Variants in SLMAP observed in about 807,000 individuals in gnomAD.
The protein encoded by SLMAP is sarcolemmal membrane-associated protein.
Under a neutral mutation model 128.8 loss-of-function variants are expected in SLMAP, and 44 were observed. The ratio of observed to expected loss-of-function variants is 0.34; its 90% CI spans 0.27 to 0.44. The LOEUF is 0.44. Among genes scored for constraint, SLMAP ranks in the 20% least tolerant of loss-of-function variants. SLMAP has a pLI of 1.00. For synonymous variants in SLMAP, 327 were observed against 348.8 expected, an observed-to-expected ratio of 0.94 and a Z score of 0.70; for missense variants, 787 against 985.3, an observed-to-expected ratio of 0.80 and a Z score of 2.69.
At chr3:57,807,996 T>C in intron 2 of SLMAP, among the ~76,000 whole-genome samples, 1 of 152,174 alleles carries the variant, frequency 6.6e-6, no homozygotes, top group South Asian at 2.1e-4. Context: ...GGTTTAGTCT[T>C]GGGAGGGTGT....
intron 18 of SLMAP, among the ~76,000 whole-genome samples, chr3:57,908,813 T>A (rs988288216): frequency 6.6e-6 from 1 of 152,232 alleles, no homozygotes; most frequent in Admixed American, 6.5e-5. Context: ...CTGTTTCTCA[T>A]GTTAAGAAAA....
intron 19 of SLMAP, 60 bp from the exon 20 acceptor site, chr3:57,912,321 C>A: frequency 6.9e-7 from 1 of 1,451,416 alleles, no homozygotes; most frequent in Non-Finnish European, 9.6e-7. Context: ...TAGCTACAAT[C>A]CTGTATGGAT....
At chr3:57,771,919 A>G (rs908599605) in intron 2 of SLMAP, among the ~76,000 whole-genome samples, 1 of 152,238 alleles carries the variant, frequency 6.6e-6, no homozygotes, top group Non-Finnish European at 1.5e-5. Flanking sequence ...CCTTACTTGA[A>G]GATTTGAAAT....
chr3:57,913,231 T>G lies in SLMAP; in HGVS notation c.2094T>G (p.Val698=). The change falls in exon 21 of 25, where the codon GTT becomes GTG. Residue 698 remains valine (V), a synonymous_variant. Transcript: ENST00000671191. ...GCCATTCTCTAAAAAGGGAAAATGT[T>G]TTGCTATCATCAGAACTGCAACGGC... ...TECHSLKREN[V]LLSSELQRQE... is the part of the protein sequence containing the mutation. The G allele has an allele frequency of 6.3e-7, 1 of 1,598,264 alleles. No homozygotes were observed. Among genetic ancestry groups the G allele is most frequent in the South Asian group, 1.1e-5 (1 of 89,032 alleles).
At chr3:57,897,260 T>C (rs1314554520) in intron 17 of SLMAP, 2 of 485,048 alleles carry the variant, frequency 4.1e-6, no homozygotes, top group Non-Finnish European at 6.3e-6. Context: ...GGTGAAAATC[T>C]TAACTTTCTT....
intron 13 of SLMAP, among the ~76,000 whole-genome samples, chr3:57,869,344 C>G (rs1479592367): frequency 6.6e-6 from 1 of 151,180 alleles, no homozygotes; most frequent in Admixed American, 6.6e-5. Context: ...TCCCAGCCTA[C>G]TGACTCAAAT....
intron 19 of SLMAP, among the ~76,000 whole-genome samples, chr3:57,911,319 A>G (rs1182328262): frequency 6.6e-6 from 1 of 152,184 alleles, no homozygotes; most frequent in Non-Finnish European, 1.5e-5. Flanking sequence ...AAAGTCTAAT[A>G]TCTTAATGTT....
At chr3:57,794,330 T>TA (rs2086209933) in intron 2 of SLMAP, among the ~76,000 whole-genome samples, 1 of 152,218 alleles carries the variant, frequency 6.6e-6, no homozygotes, top group Non-Finnish European at 1.5e-5. Context: ...TTTGTCTTTA[T>TA]CCTTTGGCTT....
chr3:57,882,309 C>G (rs140996189), intron 14 of SLMAP, among the ~76,000 whole-genome samples: 41 of 151,984 alleles, frequency 2.7e-4, no homozygotes, highest in South Asian at 8.3e-4. Flanking sequence ...AATAATAAAC[C>G]AAAAAATTAA....
intron 2 of SLMAP, among the ~76,000 whole-genome samples, chr3:57,779,562 C>T (rs910199852): frequency 2.0e-5 from 3 of 149,992 alleles, no homozygotes; most frequent in African/African-American, 7.4e-5. Context: ...ACCATACGTA[C>T]TGATATATCT....
chr3:57,862,076 ATAAAT>A lies in SLMAP; in HGVS notation c.961_965del (p.Leu321GlyfsTer16). On this transcript the variant is annotated frameshift_variant, in exon 10 of 25. Transcript: ENST00000671191. LOFTEE classifies it high-confidence loss of function. ...GTTAATGAGATTAAAGATTTATCTG[ATAAAT>A]TAAAGGTATGTATTTACTCTGCCTG... 6.3e-7 allele frequency: 1 copy of A among 1,579,752 alleles called. No individual in the cohort carries two copies.
chr3:57,922,208 A>G (rs1464881052), intron 22 of SLMAP, among the ~76,000 whole-genome samples: 1 of 152,186 alleles, frequency 6.6e-6, no homozygotes, highest in African/African-American at 2.4e-5. Context: ...CCTTACTAGG[A>G]TATAAACTCA....
intron 14 of SLMAP, among the ~76,000 whole-genome samples, chr3:57,876,248 A>G (rs1020567102): frequency 4.6e-5 from 7 of 152,330 alleles, no homozygotes; most frequent in Admixed American, 3.9e-4. Flanking sequence ...AATCTATAAG[A>G]GAACAATTTG....
chr3:57,817,957 A>G (rs1165832456), intron 2 of SLMAP, among the ~76,000 whole-genome samples: 1 of 152,204 alleles, frequency 6.6e-6, no homozygotes, highest in Non-Finnish European at 1.5e-5. Context: ...TTGTCAGCCT[A>G]AATTTACTGA....
In SLMAP at chr3:57,866,943, C is replaced by T. The variant is rs149009465; in HGVS notation, c.1237+1651C>T. ...ATCCCAGCACTTTGGGAGGCCAAGG[C>T]GGGTGGATCACTTGAGGTCAGTAGT... On this transcript the variant is annotated intron_variant, in intron 13 of 24. Transcript: ENST00000671191. 5.3e-5 allele frequency among the ~76,000 whole-genome samples: 8 copies of T among 151,828 alleles called. No individual in the cohort carries two copies. In the East Asian group the frequency reaches 9.7e-4, roughly 18 times the overall value.
intron 17 of SLMAP, among the ~76,000 whole-genome samples, chr3:57,904,809 C>G (rs1381591142): frequency 6.6e-6 from 1 of 152,070 alleles, no homozygotes; most frequent in Admixed American, 6.6e-5. Context: ...CGATAGAGAC[C>G]AGGAAAACTA....
chr3:57,789,351 G>C (rs1271031992), intron 2 of SLMAP, among the ~76,000 whole-genome samples: 5 of 152,130 alleles, frequency 3.3e-5, no homozygotes, highest in Admixed American at 3.3e-4. Context: ...CCAAGGATCA[G>C]TGTGAGGGTA....
intron 2 of SLMAP, among the ~76,000 whole-genome samples, chr3:57,763,820 G>A (rs2079140585): frequency 6.6e-6 from 1 of 152,146 alleles, no homozygotes; most frequent in African/African-American, 2.4e-5. Flanking sequence ...ATAAGAAAAG[G>A]TGTTTTTTTG....
intron 2 of SLMAP, among the ~76,000 whole-genome samples, chr3:57,764,637 A>C (rs995368548): frequency 3.9e-5 from 6 of 152,206 alleles, no homozygotes; most frequent in Non-Finnish European, 7.3e-5. Context: ...ACTGGGCCCT[A>C]TTCTAAATGC....
Sources: allele counts gnomAD v4.1 joint callset (sites outside exome capture counted in the v4.1 genomes callset), GRCh38; gene constraint gnomAD v4.1.1; transcripts MANE v1.5; gene names NCBI Gene and HGNC (gene_info 2026-07-23, HGNC 2026-07-21).